The following ANKRD24 variants were observed in gnomAD, a reference collection of about 807,000 sequenced individuals.
ANKRD24 encodes ankyrin repeat domain-containing protein 24.
Under a neutral mutation model 127.8 loss-of-function variants are expected in ANKRD24, and 109 were observed. That is an observed-to-expected ratio of 0.85 (90% CI 0.73 to 1.00). The LOEUF (loss-of-function observed/expected upper bound fraction) is 1.00. Among genes scored for constraint, ANKRD24 ranks in the 50% least tolerant of loss-of-function variants. ANKRD24 has a pLI of 0.00. For synonymous variants in ANKRD24, 743 were observed against 671.1 expected (o/e 1.11, Z -1.66); for missense variants, 1,648 against 1,570.2 (o/e 1.05, Z -0.84).
At chr19:4,219,301 C>A (rs955873690) in intron 18 of ANKRD24, among the ~76,000 whole-genome samples, 1 of 150,552 alleles carries the variant, frequency 6.6e-6, no homozygotes, top group Non-Finnish European at 1.5e-5. Context: ...AAAACAAAAA[C>A]AAAACAAAAA....
Position 4,217,002 on chromosome 19 carries a change from A to T in ANKRD24, c.1842A>T (p.Glu614Asp). 1 of 1,613,774 alleles carries T rather than the reference A, an allele frequency of 6.2e-7. No homozygotes were observed. The highest frequency in any genetic ancestry group is 8.5e-7 in the Non-Finnish European group (1 of 1,179,826). ...TCAGAGAAATGGAGACCACAGAAGAAGAAGCAAACATGGAAACTAAGCCCA... is the reference window on the plus strand; with the variant it reads ...TCAGAGAAATGGAGACCACAGAAGATGAAGCAAACATGGAAACTAAGCCCA... The part of the protein sequence containing the change: ...AEVREMETTE[E>D]EANMETKPTG... Residue 614 changes from glutamate to aspartate, a missense_variant, in exon 18 of 22, where the codon GAA (glutamate) becomes GAT (aspartate). By Grantham distance (45) the Glu-to-Asp change is conservative. Transcript: ENST00000318934.
intron 2 of ANKRD24, among the ~76,000 whole-genome samples, chr19:4,189,244 T>TC (rs1555711102): frequency 5.8e-5 from 3 of 51,970 alleles, no homozygotes; most frequent in African/African-American, 1.9e-4. Flanking sequence ...TTCTTTCTTC[T>TC]TTTTTTTTTT....
At chr19:4,203,053 T>G in intron 7 of ANKRD24, 127 bp downstream of exon 7, 1 of 234,006 alleles carries the variant, frequency 4.3e-6, no homozygotes, top group Non-Finnish European at 7.2e-6. Flanking sequence ...TCTTTCTTTC[T>G]TTTTTTTTTT....
At chr19:4,220,798 G>A (rs937339673) in intron 19 of ANKRD24, among the ~76,000 whole-genome samples, 59 of 151,990 alleles carry the variant, frequency 3.9e-4, no homozygotes, top group African/African-American at 1.4e-3. Context: ...CTCGTGATCC[G>A]CCTGCCTCGG....
Position 4,210,119 on chromosome 19 carries a change from C to A in ANKRD24, c.932C>A (p.Pro311His). The change falls in exon 12 of 22, where the codon CCC becomes CAC. Residue 311 changes from proline (P) to histidine (H), a missense_variant. Physicochemically the swap from Pro to His is moderately conservative, Grantham distance 77 (BLOSUM62 -2). Coordinates refer to ENST00000318934, the MANE Select transcript of ANKRD24 (RefSeq NM_001393985.1). ...APKKRKAPPP[P>H]ASIPMPDDRD... ...AAGAAGCGGAAGGCGCCTCCACCTC[C>A]CGCCAGCATTCCCATGCCGGTGAGA... 2 of 1,610,920 alleles carry A rather than the reference C, an allele frequency of 1.2e-6. No homozygotes were observed. The highest frequency in any genetic ancestry group is 1.7e-6 in the Non-Finnish European group (2 of 1,178,798).
At chr19:4,208,827 G>C in intron 11 of ANKRD24, 26 bp downstream of exon 11, 2 of 1,609,662 alleles carry the variant, frequency 1.2e-6, no homozygotes, top group Non-Finnish European at 1.7e-6. Context: ...CAGTGAAGGA[G>C]CCCCTCCTCC....
rs1264428119 is a variant in ANKRD24, at chr19:4,221,426, C to A, written c.3172-1244C>A. Among the ~76,000 whole-genome samples, 3 of 151,768 alleles carry A rather than the reference C, an allele frequency of 2.0e-5. No individual in the cohort carries two copies. In the East Asian group the frequency reaches 5.8e-4, roughly 30 times the overall value. On this transcript the variant is annotated intron_variant, in intron 19 of 21. Coordinates refer to ENST00000318934, the MANE Select transcript of ANKRD24 (RefSeq NM_001393985.1). ...GTTTGTTTGGTAAGAGATGGGGTTTCACCATATTGCCCAGGTTGGTCTCAA... is the reference window on the plus strand; with the variant it reads ...GTTTGTTTGGTAAGAGATGGGGTTTAACCATATTGCCCAGGTTGGTCTCAA...
At chr19:4,200,203 G>T in intron 5 of ANKRD24, 32 bp downstream of exon 5, 1 of 1,562,122 alleles carries the variant, frequency 6.4e-7, no homozygotes, top group East Asian at 2.3e-5. Flanking sequence ...GGAGGGAGGA[G>T]GAACTAAGCC....
chr19:4,220,451 T>A (rs1970379513), intron 19 of ANKRD24, among the ~76,000 whole-genome samples: 2 of 151,978 alleles, frequency 1.3e-5, no homozygotes, highest in Non-Finnish European at 2.9e-5. Flanking sequence ...TCAGCTGGGT[T>A]TGTACCCACG....
chr19:4,213,297 TTTCC>T (rs1200088332), intron 15 of ANKRD24, among the ~76,000 whole-genome samples: 2 of 133,816 alleles, frequency 1.5e-5, no homozygotes, highest in African/African-American at 2.9e-5. Context: ...CCTTCCTTTC[TTTCC>T]TTCCTTCCCT....
chr19:4,217,616 G>T lies in ANKRD24; in HGVS notation c.2456G>T (p.Arg819Leu), dbSNP rs1599463337. The T allele has an allele frequency of 4.7e-6, 6 of 1,289,452 alleles. No homozygotes were observed. In the East Asian group the frequency reaches 2.0e-4, roughly 43 times the overall value. 79.9% of individuals were successfully genotyped at this position (1,289,452 alleles called of 1,614,324 possible). The change falls in exon 18 of 22, where the codon CGG (arginine) becomes CTG (leucine). Residue 819 changes from arginine (R) to leucine (L), a missense_variant. Coordinates refer to ENST00000318934, the MANE Select transcript of ANKRD24 (RefSeq NM_001393985.1). ...GCCTCGGCCTGCCTGGATGAGGCTC[G>T]GGCCAGCCGGCTGCTGGCGGAGGAG... is the stretch of plus-strand genomic sequence containing the variant. ...EAASACLDEA[R>L]ASRLLAEEEA...
chr19:4,206,394 T>C (rs1215859091), intron 7 of ANKRD24, among the ~76,000 whole-genome samples: 1 of 151,346 alleles, frequency 6.6e-6, no homozygotes. Flanking sequence ...CGGCGGCAGA[T>C]TGCTTGAGCC....
chr19:4,195,754 C>A lies in ANKRD24; in HGVS notation c.37-3929C>A, dbSNP rs563598061. On this transcript the variant is annotated intron_variant, in intron 2 of 21. Transcript: ENST00000318934. This position sits in a 1 kb window ranked among gnomAD's most constrained non-coding sequence, Gnocchi z 4.2. Reference sequence around the variant, plus strand: ...TACTAAAATACAAAAATTCGCTAGGCGTGGTGGCGTGTGCCTGTAATCCCA... The same window carrying A: ...TACTAAAATACAAAAATTCGCTAGGAGTGGTGGCGTGTGCCTGTAATCCCA... 6.6e-6 allele frequency among the ~76,000 whole-genome samples: 1 copy of A among 152,190 alleles called. No homozygotes were observed. The highest frequency in any genetic ancestry group is 2.4e-5 in the African/African-American group (1 of 41,524).
intron 7 of ANKRD24, among the ~76,000 whole-genome samples, chr19:4,203,844 T>C (rs1969232803): frequency 6.6e-6 from 1 of 151,836 alleles, no homozygotes. Flanking sequence ...AGAGATGGGG[T>C]TTCACCATGT....
intron 19 of ANKRD24, among the ~76,000 whole-genome samples, chr19:4,221,785 G>A (rs1032475355): frequency 3.9e-5 from 6 of 152,174 alleles, no homozygotes; most frequent in African/African-American, 1.2e-4. Flanking sequence ...TTTATCTGTA[G>A]CCTGGTTTCT....
intron 10 of ANKRD24, among the ~76,000 whole-genome samples, 200 bp downstream of exon 10, chr19:4,208,168 T>C (rs1969503740): frequency 6.6e-6 from 1 of 151,988 alleles, no homozygotes; most frequent in African/African-American, 2.4e-5. Flanking sequence ...TGCTTCTGCT[T>C]TCCTGGGTCA....
In ANKRD24 at chr19:4,216,532, C is replaced by G; in HGVS notation, c.1390-18C>G. ...CATCAACTCCTGCCAGACTCCTGCC[C>G]CCCACTCCACTCCCCAGATCCTGGA... On this transcript the variant is annotated intron_variant, in intron 17 of 21. Coordinates refer to ENST00000318934, the MANE Select transcript of ANKRD24 (RefSeq NM_001393985.1). 7 of 1,591,764 alleles carry G rather than the reference C, an allele frequency of 4.4e-6. No homozygotes were observed. Among genetic ancestry groups the G allele is most frequent in the Non-Finnish European group, 6.0e-6 (7 of 1,168,030 alleles).
At chr19:4,209,005 G>A (rs1969547180) in intron 11 of ANKRD24, 2 of 439,526 alleles carry the variant, frequency 4.6e-6, no homozygotes, top group Middle Eastern at 4.1e-4. Context: ...ACTGGATGGG[G>A]CCAAATTATG....
chr19:4,184,278 C>T (rs1408960348), intron 1 of ANKRD24, among the ~76,000 whole-genome samples: 1 of 152,106 alleles, frequency 6.6e-6, no homozygotes, highest in Non-Finnish European at 1.5e-5. Flanking sequence ...GCACTGTGGC[C>T]GGGAGCTCGG....
Sources: gnomAD v4.1 joint callset for allele counts (sites outside exome capture counted in the v4.1 genomes callset) on GRCh38, gnomAD v4.1.1 for gene constraint, Gnocchi (gnomAD v3.1) non-coding constraint, MANE v1.5 for transcripts, NCBI Gene and HGNC (gene_info 2026-07-23, HGNC 2026-07-21) for gene names.